ARSJ: variants seen among roughly 807,000 people sequenced by gnomAD.
ARSJ encodes arylsulfatase J.
Under a neutral mutation model 35.9 loss-of-function variants are expected in ARSJ, and 26 were observed. That is an observed-to-expected ratio of 0.72 (90% CI 0.53 to 1.00). ARSJ has a LOEUF of 1.00. ARSJ is among the 50% of genes least tolerant of loss of function. The pLI, the probability that ARSJ is intolerant of heterozygous loss-of-function variation, is 0.00. For missense variants in ARSJ, 667 were observed against 723.6 expected (o/e 0.92, Z 0.90); for synonymous variants, 294 against 267.6 (o/e 1.10, Z -0.96).
chr4:113,903,378 A>T lies in ARSJ; in HGVS notation c.696T>A (p.Tyr232Ter). Residue 232 changes from tyrosine (Y) to a stop codon, truncating the protein, a stop_gained, in exon 2 of 2, where the codon TAT (tyrosine) becomes TAA (stop). Transcript: ENST00000315366. LOFTEE classifies it high-confidence loss of function. ...LYENDNAAWD[Y>*]DNGIYSTQMY... ...TCTGTGTGGAGTATATGCCATTGTC[A>T]TAGTCCCAGGCAGCATTGTCGTTTT... 2.5e-6 allele frequency: 4 copies of T among 1,614,140 alleles called. No individual in the cohort carries two copies. Among genetic ancestry groups the T allele is most frequent in the Non-Finnish European group, 3.4e-6 (4 of 1,180,038 alleles).
At chr4:113,927,490 AG>A (rs1455077611) in intron 1 of ARSJ, among the ~76,000 whole-genome samples, 1 of 152,216 alleles carries the variant, frequency 6.6e-6, no homozygotes, top group African/African-American at 2.4e-5. Context: ...TATCACACAA[AG>A]CCGGAGAGTT....
chr4:113,972,002 C>G (rs1028750554), intron 1 of ARSJ, among the ~76,000 whole-genome samples: 10 of 152,188 alleles, frequency 6.6e-5, no homozygotes, highest in Admixed American at 2.0e-4. Flanking sequence ...ATTCAGTTAC[C>G]TTTTCAGGGT....
At chr4:113,961,179 G>A (rs978603500) in intron 1 of ARSJ, among the ~76,000 whole-genome samples, 10 of 152,044 alleles carry the variant, frequency 6.6e-5, no homozygotes, top group African/African-American at 1.9e-4. Context: ...CATCCAGCAC[G>A]TTGGAAGTGA....
At chr4:113,935,220 C>T (rs1427984657) in intron 1 of ARSJ, among the ~76,000 whole-genome samples, 2 of 151,854 alleles carry the variant, frequency 1.3e-5, no homozygotes, top group Non-Finnish European at 2.9e-5. Context: ...AAGGTGCTGT[C>T]TGTTATATCC....
At chr4:113,937,236 C>A (rs773807221) in intron 1 of ARSJ, among the ~76,000 whole-genome samples, 3 of 151,824 alleles carry the variant, frequency 2.0e-5, no homozygotes, top group Non-Finnish European at 4.4e-5. Context: ...CTTCTGACCA[C>A]GAATAATTGT....
At position 113,974,464 on chromosome 4, in the gene ARSJ, C is replaced by G. The variant is rs77206161; in HGVS notation, c.398+3973G>C. On this transcript the variant is annotated intron_variant, in intron 1 of 1. Coordinates refer to ENST00000315366, the MANE Select transcript of ARSJ (RefSeq NM_024590.4). The stretch of plus-strand genomic sequence containing the variant: ...AAAGGAATAGAATATATAACTACCA[C>G]AAATTAATAAGGCAGAAACAATCAT... 0.013 allele frequency among the ~76,000 whole-genome samples: 2,038 copies of G among 152,072 alleles called. 115 individuals carry two copies. In the East Asian group the frequency reaches 0.16, roughly 12 times the overall value.
chr4:113,978,306 A>T (rs1727714162), intron 1 of ARSJ, 131 bp downstream of exon 1: 1 of 854,362 alleles, frequency 1.2e-6, no homozygotes, highest in East Asian at 2.5e-5. Flanking sequence ...AATACCATAC[A>T]TCATTCATTC....
chr4:113,911,367 G>A (rs1267277441), intron 1 of ARSJ, among the ~76,000 whole-genome samples: 14 of 152,176 alleles, frequency 9.2e-5, no homozygotes, highest in Admixed American at 9.2e-4. Flanking sequence ...CTTTTGAAAA[G>A]AGAATGACAC....
chr4:113,917,896 T>C (rs1723417341), intron 1 of ARSJ, among the ~76,000 whole-genome samples: 1 of 152,196 alleles, frequency 6.6e-6, no homozygotes, highest in Admixed American at 6.5e-5. Context: ...AATAACACTT[T>C]TCTCACTGAG....
intron 1 of ARSJ, among the ~76,000 whole-genome samples, chr4:113,936,300 ATTTGTTGAGTTTT>A (rs1724764107): frequency 6.6e-6 from 1 of 151,944 alleles, no homozygotes; most frequent in Non-Finnish European, 1.5e-5. Context: ...GATAAGTGAT[ATTTGTTGAGTTTT>A]TATGGTTTAT....
At position 113,902,934 on chromosome 4, in the gene ARSJ, C is replaced by T; in HGVS notation, c.1140G>A (p.Trp380Ter). 2 of 1,614,142 alleles carry T rather than the reference C, an allele frequency of 1.2e-6. No individual in the cohort carries two copies. The highest frequency in any genetic ancestry group is 4.5e-5 in the East Asian group (2 of 44,882). ...CAGCCAGTGAAATGAGAGTGGGGTA[C>T]CAGTCAGTGATGTGCACAAGTTCCT... is the stretch of plus-strand genomic sequence containing the variant. The part of the protein sequence containing the change: ...VCKELVHITD[W>*]YPTLISLAEG... The change falls in exon 2 of 2, where the codon TGG becomes TGA. Residue 380 changes from tryptophan to a stop codon, truncating the protein, a stop_gained. Coordinates refer to ENST00000315366, the MANE Select transcript of ARSJ (RefSeq NM_024590.4). LOFTEE classifies it high-confidence loss of function.
chr4:113,927,948 T>C (rs886910690), intron 1 of ARSJ, among the ~76,000 whole-genome samples: 2 of 152,126 alleles, frequency 1.3e-5, no homozygotes, highest in African/African-American at 4.8e-5. Context: ...TAATAGCCCT[T>C]ACCCTACCAG....
intron 1 of ARSJ, among the ~76,000 whole-genome samples, chr4:113,908,000 C>T (rs553311996): frequency 6.6e-6 from 1 of 152,224 alleles, no homozygotes; most frequent in South Asian, 2.1e-4. Context: ...ATGCTCACTA[C>T]CTGGGTGACG....
At chr4:113,955,964 T>C (rs10012206) in intron 1 of ARSJ, among the ~76,000 whole-genome samples, 7,127 of 152,212 alleles carry the variant, frequency 0.047, 605 homozygotes, top group African/African-American at 0.16. Flanking sequence ...ATTTGTAGTA[T>C]GGAAACTGAA....
intron 1 of ARSJ, among the ~76,000 whole-genome samples, chr4:113,908,703 T>G (rs1262452497): frequency 2.0e-5 from 3 of 152,210 alleles, no homozygotes; most frequent in Non-Finnish European, 4.4e-5. Flanking sequence ...GCACGTTTAC[T>G]TATTTATAAA....
chr4:113,932,201 C>T (rs956117196), intron 1 of ARSJ, among the ~76,000 whole-genome samples: 2 of 151,944 alleles, frequency 1.3e-5, no homozygotes, highest in African/African-American at 4.8e-5. Context: ...AACACCAGAG[C>T]TCCCATGTAT....
Position 113,902,811 on chromosome 4 carries a change from G to A in ARSJ, c.1263C>T (p.Asn421=). The A allele has an allele frequency of 6.2e-7, 1 of 1,614,120 alleles. No homozygotes were observed. Among genetic ancestry groups the A allele is most frequent in the African/African-American group, 1.3e-5 (1 of 75,012 alleles). Reference sequence around the variant, plus strand: ...TTGCCTTGGTGTATATGGGGTCAATGTTATGCAAAATATCTACTCGGGGTG... The same window carrying A: ...TTGCCTTGGTGTATATGGGGTCAATATTATGCAAAATATCTACTCGGGGTG... ...LRSPRVDILH[N]IDPIYTKAKN... Residue 421 remains asparagine (N), a synonymous_variant, in exon 2 of 2, where the codon AAC becomes AAT. Coordinates refer to ENST00000315366, the MANE Select transcript of ARSJ (RefSeq NM_024590.4).
chr4:113,950,080 T>C (rs1725761440), intron 1 of ARSJ, among the ~76,000 whole-genome samples: 1 of 152,062 alleles, frequency 6.6e-6, no homozygotes, highest in Non-Finnish European at 1.5e-5. Flanking sequence ...AGATGTAAGC[T>C]ATATGGTTCT....
chr4:113,974,446 T>C (rs1047280849), intron 1 of ARSJ, among the ~76,000 whole-genome samples: 1 of 151,950 alleles, frequency 6.6e-6, no homozygotes, highest in Non-Finnish European at 1.5e-5. Context: ...AACAAAGGAA[T>C]AGAATATATA....
Sources: gnomAD v4.1 joint callset for allele counts (sites outside exome capture counted in the v4.1 genomes callset) on GRCh38, gnomAD v4.1.1 for gene constraint, MANE v1.5 for transcripts, NCBI Gene and HGNC (gene_info 2026-07-23, HGNC 2026-07-21) for gene names.